The following MED12 variants were observed in gnomAD, a reference collection of about 807,000 sequenced individuals.
MED12 encodes mediator complex subunit 12.
MED12 carries 10 observed loss-of-function variants against 177.7 expected under a neutral mutation model. The observed-to-expected ratio is 0.06, with a 90% CI of 0.03 to 0.10. MED12 has a LOEUF of 0.10. Ranked by LOEUF, MED12 falls within the 10% of genes least tolerant of loss-of-function variation. The pLI is 1.00. For synonymous variants in MED12, 641 were observed against 678.4 expected, an observed-to-expected ratio of 0.94 and a Z score of 0.86; for missense variants, 867 against 1,780.8, an observed-to-expected ratio of 0.49 and a Z score of 9.23.
At chrX:71,137,075 TC>T (rs2147828538) in intron 38 of MED12, 46 bp downstream of exon 38, 1 of 1,182,357 alleles carries the variant, frequency 8.5e-7, no homozygotes, top group South Asian at 1.8e-5. Context: ...ACCTGTACAC[TC>T]CCCCTGCCCA....
chrX:71,126,230 C>T lies in MED12; in HGVS notation c.2541+76C>T, dbSNP rs776835995. On this transcript the variant is annotated intron_variant, in intron 18 of 44. Coordinates refer to ENST00000374080, the MANE Select transcript of MED12 (RefSeq NM_005120.3). ...TTTCCTTTTCTTCCCTATCTTCTCC[C>T]TGCTAGGCAGGCTAAGCCTCCTGGT... 37 of 1,159,150 alleles carry T rather than the reference C, an allele frequency of 3.2e-5. No homozygotes were observed. In the East Asian group the frequency reaches 1.0e-3, roughly 32 times the overall value.
chrX:71,131,264 G>A (rs2092316659), intron 28 of MED12, among the ~76,000 whole-genome samples: 1 of 110,142 alleles, frequency 9.1e-6, no homozygotes, highest in South Asian at 3.9e-4. Flanking sequence ...GAGTAACTGG[G>A]ATTACAGGTC....
At position 71,137,605 on chromosome X, in the gene MED12, C is replaced by T; in HGVS notation, c.5796C>T (p.Pro1932=). The change falls in exon 40 of 45, where the codon CCC becomes CCT. Residue 1932 remains proline, a synonymous_variant. Transcript: ENST00000374080. ...LGQSSVHQMT[P]SSSYGLQTSQ... ...AGTCATCTGTCCATCAGATGACTCC[C>T]AGCTCTTCCTACGGTTTGCAGACTT... 1 of 1,210,466 alleles carries T rather than the reference C, an allele frequency of 8.3e-7. No homozygotes were observed.
At position 71,137,303 on chromosome X, in the gene MED12, C is replaced by A; in HGVS notation, c.5668C>A (p.Pro1890Thr). Residue 1890 changes from proline (P) to threonine (T), a missense_variant, in exon 39 of 45, where the codon CCC (proline) becomes ACC (threonine). Pro to Thr is a conservative substitution (Grantham distance 38). Around this residue, in one of 14 missense-constraint regions of MED12, gnomAD observed 236 missense variants for 345.2 expected, o/e 0.68. Transcript: ENST00000374080. The stretch of plus-strand genomic sequence containing the variant: ...CATGACTGGCGTCATGGGTTTAGAA[C>A]CCTCCTCTTATAAGACCTCTGTGTA... Reference protein sequence around the residue: ...TTMTGVMGLEPSSYKTSVYRQ... With the variant: ...TTMTGVMGLETSSYKTSVYRQ... 1 of 1,211,833 alleles carries A rather than the reference C, an allele frequency of 8.3e-7. No individual in the cohort carries two copies. The highest frequency in any genetic ancestry group is 1.1e-6 in the Non-Finnish European group (1 of 895,479).
At position 71,124,814 on chromosome X, in the gene MED12, C is replaced by T; in HGVS notation, c.2025C>T (p.Leu675=). 1 of 1,209,749 alleles carries T rather than the reference C, an allele frequency of 8.3e-7. No homozygotes were observed. Among genetic ancestry groups the T allele is most frequent in the South Asian group, 1.8e-5 (1 of 56,879 alleles). The change falls in exon 14 of 45, where the codon CTC becomes CTT. Residue 675 remains leucine, a synonymous_variant. Transcript: ENST00000374080. ...SMDIDPSSSV[L]FEDMEKPDFS... is the part of the protein sequence containing the mutation. ...ACATTGACCCTAGTTCCAGTGTTCT[C>T]TTTGAGGACATGGAGAAGCCTGATT...
intron 12 of MED12, 109 bp downstream of exon 12, chrX:71,123,829 T>G (rs993569634): frequency 9.3e-6 from 8 of 862,830 alleles, no homozygotes; most frequent in Non-Finnish European, 1.3e-5. Flanking sequence ...TCTCTTGGGC[T>G]CTATGCAGAA....
rs1356162236 is a variant in MED12, at chrX:71,118,616, A to C, written c.-139A>C. 1.1e-5 allele frequency: 6 copies of C among 534,337 alleles called. No individual in the cohort carries two copies. The highest frequency in any genetic ancestry group is 3.7e-5 in the East Asian group (1 of 27,243). 44.0% of individuals were successfully genotyped at this position (534,337 alleles called of 1,213,427 possible). On this transcript the variant is annotated 5_prime_UTR_variant, in exon 1 of 45. Transcript: ENST00000374080. ...TCGGTAGTTTCCGGCAATGGTCGAG[A>C]GTTTCTAACGTGCCCCCTTGTTGTC...
intron 4 of MED12, among the ~76,000 whole-genome samples, 160 bp downstream of exon 4, chrX:71,120,330 G>A (rs888198864): frequency 9.2e-6 from 1 of 109,200 alleles, no homozygotes; most frequent in Non-Finnish European, 1.9e-5. Flanking sequence ...TCTACTGTGC[G>A]CATATACTGG....
Position 71,125,432 on chromosome X carries a change from G to A in MED12, c.2308G>A (p.Ala770Thr), listed in dbSNP as rs199860580. Residue 770 changes from alanine (A) to threonine (T), a missense_variant, in exon 16 of 45, where the codon GCC becomes ACC. By Grantham distance (58) the Ala-to-Thr change is moderately conservative (BLOSUM62 0). Transcript: ENST00000374080. ...AAAGCAGCGAGATGATGCCCGCCAT[G>A]CCATCAAGAAAATCACCAAGGATAT... ...VGKQRDDARHAIKKITKDILK... is the reference protein window; with the variant it reads ...VGKQRDDARHTIKKITKDILK... 14 of 1,208,253 alleles carry A rather than the reference G, an allele frequency of 1.2e-5. No homozygotes were observed. Among genetic ancestry groups the A allele is most frequent in the South Asian group, 7.1e-5 (4 of 56,673 alleles).
intron 17 of MED12, 72 bp from the exon 18 acceptor site, chrX:71,125,964 A>ACCCCACT (rs1219712741): frequency 5.1e-5 from 33 of 642,688 alleles, no homozygotes; most frequent in Non-Finnish European, 7.1e-5. Context: ...TTCTCTCCAT[A>ACCCCACT]CCCCACTCCC....
Position 71,141,301 on chromosome X carries a change from A to ACACCAG in MED12, c.6341_6342insCCAGCA (p.Gln2113_Gln2114insHisGln). On this transcript the variant is annotated inframe_insertion, in exon 43 of 45. Transcript: ENST00000374080. ...AACAGCAGCAGCAGCAACAGCAACA[A>ACACCAG]CAGCAACACCAGCAGCAACAGCAGC... 1.7e-6 allele frequency: 2 copies of ACACCAG among 1,165,377 alleles called. No homozygotes were observed. The highest frequency in any genetic ancestry group is 2.3e-6 in the Non-Finnish European group (2 of 871,594).
At chrX:71,128,931 A>G (rs1425834012) in intron 24 of MED12, 183 bp from the exon 25 acceptor site, 9 of 557,299 alleles carry the variant, frequency 1.6e-5, no homozygotes, top group Non-Finnish European at 2.4e-5. Context: ...TGACCCTTCA[A>G]CTGCGTAACA....
chrX:71,132,572 G>A, intron 31 of MED12, 34 bp downstream of exon 31: 1 of 1,159,989 alleles, frequency 8.6e-7, no homozygotes, highest in East Asian at 3.2e-5. Context: ...CAAGATTGAG[G>A]GGTAGAAAGG....
chrX:71,133,664 A>G (rs1248869648), intron 33 of MED12, among the ~76,000 whole-genome samples: 1 of 110,313 alleles, frequency 9.1e-6, no homozygotes, highest in African/African-American at 3.3e-5. Flanking sequence ...TTGTTCTCTG[A>G]AAGTATGCAG....
chrX:71,127,679 TC>T (rs1032071973), intron 21 of MED12: 5 of 475,543 alleles, frequency 1.1e-5, no homozygotes, highest in African/African-American at 9.7e-5. Flanking sequence ...CCCACCCTCT[TC>T]CCCCTTTTCC....
chrX:71,125,611 C>T (rs1404898654), intron 16 of MED12, 52 bp from the exon 17 acceptor site: 8 of 1,182,963 alleles, frequency 6.8e-6, no homozygotes, highest in Non-Finnish European at 9.2e-6. Context: ...TTGGAGTCTC[C>T]TGAGAGCTCT....
chrX:71,129,067 T>A (rs772736680), intron 24 of MED12, 47 bp from the exon 25 acceptor site: 1 of 1,041,560 alleles, frequency 9.6e-7, no homozygotes, highest in East Asian at 3.0e-5. Context: ...TAAACCCACA[T>A]ACAGTTTAAC....
intron 2 of MED12, 82 bp from the exon 3 acceptor site, chrX:71,119,604 C>A: frequency 1.8e-6 from 2 of 1,121,184 alleles, no homozygotes; most frequent in East Asian, 6.1e-5. Context: ...CTAATACTAT[C>A]TCATTGGCAT....
Position 71,129,687 on chromosome X carries a change from G to A in MED12, c.3699G>A (p.Ala1233=), listed in dbSNP as rs184162709. The A allele has an allele frequency of 2.4e-4, 289 of 1,184,566 alleles. No individual in the cohort carries two copies. The African/African-American group carries it at 4.1e-3, about 17-fold the overall frequency. ...VLKAVFVLGD[A]ELKGSGFTVT... is the part of the protein sequence containing the mutation. ...CCCACCCGTGAACCACAGGGGATGC[G>A]GAACTGAAAGGTTCAGGCTTCACTG... Residue 1233 remains alanine (A), a synonymous_variant, in exon 27 of 45, where the codon GCG becomes GCA. Coordinates refer to ENST00000374080, the MANE Select transcript of MED12 (RefSeq NM_005120.3).
Sources: allele counts gnomAD v4.1 joint callset (sites outside exome capture counted in the v4.1 genomes callset), GRCh38; gene constraint gnomAD v4.1.1; regional missense constraint gnomAD v4.1.1; transcripts MANE v1.5; gene names NCBI Gene and HGNC (gene_info 2026-07-23, HGNC 2026-07-21).